Variants in KYNU observed in about 807,000 individuals in gnomAD.
KYNU encodes L-kynurenine hydrolase.
KYNU carries 54 observed loss-of-function variants against 59.2 expected under a neutral mutation model. The observed-to-expected ratio is 0.91, with a 90% CI of 0.73 to 1.14. KYNU has a LOEUF of 1.14. KYNU is among the 50% of genes most tolerant of loss of function. KYNU has a pLI of 0.00. For synonymous variants in KYNU, 177 were observed against 192.0 expected (o/e 0.92, Z 0.65); for missense variants, 567 against 554.4 (o/e 1.02, Z -0.23).
chr2:142,972,709 T>C (rs943272219), intron 8 of KYNU, among the ~76,000 whole-genome samples: 3 of 151,974 alleles, frequency 2.0e-5, no homozygotes, highest in Non-Finnish European at 2.9e-5. Flanking sequence ...ACCAAAGCTC[T>C]CTTTCCACAG....
chr2:143,016,396 A>G (rs536097543), intron 10 of KYNU, among the ~76,000 whole-genome samples: 1 of 152,352 alleles, frequency 6.6e-6, no homozygotes, highest in Non-Finnish European at 1.5e-5. Flanking sequence ...TCTTTCATGT[A>G]CACAATGCAG....
chr2:143,054,445 C>T lies in KYNU; in HGVS notation c.*12273C>T, dbSNP rs143251397. 6.6e-6 allele frequency: 1 copy of T among 152,016 alleles called. No individual in the cohort carries two copies. The highest frequency in any genetic ancestry group is 1.5e-5 in the Non-Finnish European group (1 of 67,998). The allele number at this position is 152,016 out of a possible 1,614,324, so 9.4% of individuals were successfully genotyped here. A position where few individuals can be genotyped will look rare whatever the true frequency, so the allele number is the denominator to read the frequency against. ...AATCATTTTTCAATACTTAGGATAA[C>T]AGATTCAGGCAAAGATAAAACATTA... On this transcript the variant is annotated 3_prime_UTR_variant, in exon 14 of 14. Coordinates refer to ENST00000264170, the MANE Select transcript of KYNU (RefSeq NM_003937.3).
chr2:142,879,015 A>T (rs1230840653), intron 1 of KYNU, among the ~76,000 whole-genome samples: 3 of 152,226 alleles, frequency 2.0e-5, no homozygotes, highest in Non-Finnish European at 4.4e-5. Flanking sequence ...GTAACATTTG[A>T]AAATTTGTAA....
chr2:143,013,950 A>T (rs1463349962), intron 10 of KYNU, among the ~76,000 whole-genome samples: 1 of 152,168 alleles, frequency 6.6e-6, no homozygotes, highest in Non-Finnish European at 1.5e-5. Flanking sequence ...TATCCCAACC[A>T]TCCCAAAGCT....
In KYNU at chr2:143,042,630, A is replaced by ATGTGTG. The variant is rs1199910652; in HGVS notation, c.*472_*477dup. The stretch of plus-strand genomic sequence containing the variant: ...TATATATATATATATATATATATAT[A>ATGTGTG]TGTGTGTGTGTGTGTGTGTATATAT... On this transcript the variant is annotated 3_prime_UTR_variant, in exon 14 of 14. Coordinates refer to ENST00000264170, the MANE Select transcript of KYNU (RefSeq NM_003937.3). 2 of 118,118 alleles carry ATGTGTG rather than the reference A, an allele frequency of 1.7e-5. No homozygotes were observed. Among genetic ancestry groups the ATGTGTG allele is most frequent in the Non-Finnish European group, 1.6e-5 (1 of 61,200 alleles). The allele number at this position is 118,118 out of a possible 1,614,324, so 7.3% of individuals were successfully genotyped here.
chr2:142,916,186 G>C (rs1330561842), intron 2 of KYNU, among the ~76,000 whole-genome samples: 3 of 152,142 alleles, frequency 2.0e-5, no homozygotes, highest in Non-Finnish European at 2.9e-5. Flanking sequence ...AGGGGGGCTT[G>C]TTACATGAAG....
intron 2 of KYNU, among the ~76,000 whole-genome samples, chr2:142,903,849 T>A (rs1210123716): frequency 1.3e-5 from 2 of 152,148 alleles, no homozygotes; most frequent in Non-Finnish European, 2.9e-5. Flanking sequence ...TAAAGTGTCC[T>A]TGTAGATCGC....
intron 2 of KYNU, among the ~76,000 whole-genome samples, chr2:142,894,735 T>G (rs1255349680): frequency 1.3e-5 from 2 of 152,204 alleles, no homozygotes; most frequent in African/African-American, 2.4e-5. Flanking sequence ...TTTCCATATA[T>G]AGAGAGAGAT....
intron 2 of KYNU, among the ~76,000 whole-genome samples, chr2:142,888,400 G>A (rs535030521): frequency 6.6e-6 from 1 of 152,276 alleles, no homozygotes; most frequent in East Asian, 1.9e-4. Flanking sequence ...CAAGGCTGCA[G>A]TGAGCCATGA....
Position 143,038,841 on chromosome 2 carries a change from T to C in KYNU, c.1042-1587T>C, listed in dbSNP as rs1019566823. Reference sequence around the variant, plus strand: ...TACAGGAATAACTGTTTTCATAGACTTGATAAAGTCTCAATATCACCAAAT... The same window carrying C: ...TACAGGAATAACTGTTTTCATAGACCTGATAAAGTCTCAATATCACCAAAT... On this transcript the variant is annotated intron_variant, in intron 12 of 13. Coordinates refer to ENST00000264170, the MANE Select transcript of KYNU (RefSeq NM_003937.3). 3.9e-5 allele frequency among the ~76,000 whole-genome samples: 6 copies of C among 152,278 alleles called. No individual in the cohort carries two copies. The South Asian group carries it at 8.3e-4, about 21-fold the overall frequency.
At chr2:142,891,921 T>C (rs1401621294) in intron 2 of KYNU, among the ~76,000 whole-genome samples, 1 of 61,206 alleles carries the variant, frequency 1.6e-5, no homozygotes, top group Non-Finnish European at 3.9e-5. Context: ...CATTGAGACT[T>C]TTTTTTTTTT....
chr2:143,013,420 A>G (rs559655332), intron 10 of KYNU, among the ~76,000 whole-genome samples: 1 of 152,222 alleles, frequency 6.6e-6, no homozygotes, highest in African/African-American at 2.4e-5. Flanking sequence ...AGGAGTGCAG[A>G]TATCTTTACA....
chr2:142,998,529 C>T (rs1172988964), intron 10 of KYNU, among the ~76,000 whole-genome samples: 15 of 152,040 alleles, frequency 9.9e-5, no homozygotes, highest in Admixed American at 3.3e-4. Context: ...TTTTAAACAG[C>T]GCTTATTTCT....
chr2:142,960,585 A>G, intron 7 of KYNU, 39 bp from the exon 8 acceptor site: 1 of 1,571,114 alleles, frequency 6.4e-7, no homozygotes, highest in Non-Finnish European at 8.7e-7. Context: ...CAAATTTATT[A>G]TTATCGATAT....
intron 10 of KYNU, among the ~76,000 whole-genome samples, chr2:142,990,422 G>C (rs1213690295): frequency 6.6e-6 from 1 of 151,712 alleles, no homozygotes; most frequent in Non-Finnish European, 1.5e-5. Context: ...TCAACTTTAG[G>C]GGATTCAAAG....
At chr2:142,985,210 C>T (rs771792306) in intron 9 of KYNU, 28 bp downstream of exon 9, 1 of 1,331,838 alleles carries the variant, frequency 7.5e-7, no homozygotes, top group Non-Finnish European at 1.1e-6. Flanking sequence ...CATTTACATC[C>T]CTTTATTTCA....
chr2:143,052,593 G>A lies in KYNU; in HGVS notation c.*10421G>A, dbSNP rs191199788. On this transcript the variant is annotated 3_prime_UTR_variant, in exon 14 of 14. Transcript: ENST00000264170. ...CTAAAAGGGGCCAAGGTACAGCTTGGGCTGTGGCTTCAGAGGGTGGAAGCC... is the reference window on the plus strand; with the variant it reads ...CTAAAAGGGGCCAAGGTACAGCTTGAGCTGTGGCTTCAGAGGGTGGAAGCC... 1 of 152,418 alleles carries A rather than the reference G, an allele frequency of 6.6e-6. No individual in the cohort carries two copies. Among genetic ancestry groups the A allele is most frequent in the Non-Finnish European group, 1.5e-5 (1 of 68,108 alleles). 9.4% of individuals were successfully genotyped at this position (152,418 alleles called of 1,614,324 possible).
At chr2:143,017,671 C>A in intron 10 of KYNU, among the ~76,000 whole-genome samples, 1 of 151,986 alleles carries the variant, frequency 6.6e-6, no homozygotes, top group East Asian at 1.9e-4. Flanking sequence ...CTCCTGACCT[C>A]AGGTGATCCA....
chr2:143,043,569 T>A lies in KYNU; in HGVS notation c.*1397T>A, dbSNP rs1316159764. On this transcript the variant is annotated 3_prime_UTR_variant, in exon 14 of 14. Transcript: ENST00000264170. ...ACTGATATTTATCATGTACTTACCA[T>A]GTACCATGTATTGTGCTACATTACT... The A allele has an allele frequency of 2.0e-5, 3 of 151,852 alleles. No individual in the cohort carries two copies. The East Asian group carries it at 5.8e-4, about 29-fold the overall frequency. 9.4% of individuals were successfully genotyped at this position (151,852 alleles called of 1,614,324 possible). A position where few individuals can be genotyped will look rare whatever the true frequency, so the allele number is the denominator to read the frequency against.
Sources: gnomAD v4.1 joint callset for allele counts (sites outside exome capture counted in the v4.1 genomes callset) on GRCh38, gnomAD v4.1.1 for gene constraint, MANE v1.5 for transcripts, NCBI Gene and HGNC (gene_info 2026-07-23, HGNC 2026-07-21) for gene names.